The following IGFL4 variants were observed in gnomAD, a reference collection of about 807,000 sequenced individuals.
IGFL4 encodes IGF like family member 4.
Under a neutral mutation model 15.4 loss-of-function variants are expected in IGFL4, and 12 were observed. The ratio of observed to expected loss-of-function variants is 0.78; its 90% CI spans 0.50 to 1.26. The LOEUF is 1.26. IGFL4 is among the 50% of genes most tolerant of loss of function. The pLI is 0.00. For missense variants in IGFL4, 126 were observed against 147.8 expected (o/e 0.85, Z 0.76); for synonymous variants, 54 against 55.9 (o/e 0.97, Z 0.16).
chr19:46,044,232 A>G (rs919956816), upstream of IGFL4, among the ~76,000 whole-genome samples: 10 of 152,196 alleles, frequency 6.6e-5, no homozygotes, highest in African/African-American at 1.7e-4. Flanking sequence ...TGGGTCCAAT[A>G]CACAGAGCTG....
chr19:46,052,968 A>G (rs904482996), intron 2 of IGFL4, among the ~76,000 whole-genome samples: 11 of 32,506 alleles, frequency 3.4e-4, no homozygotes, highest in African/African-American at 9.5e-4. Flanking sequence ...TCAGAAAAGA[A>G]AAAAAAAAAA....
In IGFL4 at chr19:46,040,295, G is replaced by A. The variant is rs768284872; in HGVS notation, c.192C>T (p.Ser64=). The A allele has an allele frequency of 6.2e-7, 1 of 1,614,142 alleles. No homozygotes were observed. Among genetic ancestry groups the A allele is most frequent in the Admixed American group, 1.7e-5 (1 of 60,016 alleles). ...GGAAGCAGGGCCAGAAGGTGCAGCT[G>A]GAGCCGCAGAGCCGGGTCTGGTTCA... ...LDLNQTRLCG[S]SCTFWPCFQH... is the part of the protein sequence containing the mutation. Residue 64 remains serine (S), a synonymous_variant, in exon 3 of 4, where the codon TCC becomes TCT. Coordinates refer to ENST00000377697, the MANE Select transcript of IGFL4 (RefSeq NM_001002923.3). This position sits in a 1 kb window ranked among gnomAD's most constrained non-coding sequence, Gnocchi z 4.1.
intron 1 of IGFL4, among the ~76,000 whole-genome samples, chr19:46,069,279 G>A (rs770108817): frequency 6.6e-6 from 1 of 152,098 alleles, no homozygotes; most frequent in African/African-American, 2.4e-5. Context: ...CATTTGCTCT[G>A]TCTCTTCCTA....
At chr19:46,075,405 G>A (rs1311107461) in intron 1 of IGFL4, among the ~76,000 whole-genome samples, 1 of 152,108 alleles carries the variant, frequency 6.6e-6, no homozygotes, top group East Asian at 1.9e-4. Context: ...GACCTTCACA[G>A]TTATGAGCAG....
chr19:46,048,753 C>CA (rs776045669), intron 2 of IGFL4, among the ~76,000 whole-genome samples: 1 of 151,566 alleles, frequency 6.6e-6, no homozygotes, highest in African/African-American at 2.4e-5. Context: ...AATCACTGCT[C>CA]AAAAAAAATC....
chr19:46,054,270 G>C (rs55816019), intron 2 of IGFL4, among the ~76,000 whole-genome samples: 26,867 of 152,046 alleles, frequency 0.18, 2,588 homozygotes, highest in Middle Eastern at 0.22. Flanking sequence ...ATCATTTTGA[G>C]TTTATTTTTG....
At chr19:46,062,583 A>AGCTCCCAAG (rs1222216731) in intron 1 of IGFL4, among the ~76,000 whole-genome samples, 16 of 152,216 alleles carry the variant, frequency 1.1e-4, no homozygotes, top group African/African-American at 3.6e-4. Context: ...TACAAGGTTA[A>AGCTCCCAAG]GCTCCCAAGG....
chr19:46,060,531 A>T (rs1969435021), intron 1 of IGFL4, among the ~76,000 whole-genome samples: 1 of 152,224 alleles, frequency 6.6e-6, no homozygotes, highest in African/African-American at 2.4e-5. Context: ...CTGATTACAA[A>T]CCACCTTTTG....
intron 1 of IGFL4, among the ~76,000 whole-genome samples, chr19:46,065,970 C>T (rs565285912): frequency 6.6e-6 from 1 of 152,262 alleles, no homozygotes; most frequent in East Asian, 1.9e-4. Context: ...GGCCATGAAG[C>T]AAAGTAAGTG....
chr19:46,064,522 A>G (rs1969476495), intron 1 of IGFL4, among the ~76,000 whole-genome samples: 1 of 152,002 alleles, frequency 6.6e-6, no homozygotes, highest in Admixed American at 6.5e-5. Context: ...CTCTATCTCC[A>G]TGAGTTCAAT....
At chr19:46,051,808 G>A (rs1157360808) in intron 2 of IGFL4, among the ~76,000 whole-genome samples, 1 of 151,946 alleles carries the variant, frequency 6.6e-6, no homozygotes, top group African/African-American at 2.4e-5. Flanking sequence ...CCATGCAAAT[G>A]GACACCAAAA....
In IGFL4 at chr19:46,073,642, C is replaced by T. The variant is rs141210708; in HGVS notation, c.-432+3378G>A. Among the ~76,000 whole-genome samples the T allele has an allele frequency of 6.8e-3, 1,035 of 152,312 alleles. 4 individuals carry two copies. Among genetic ancestry groups the T allele is most frequent in the Middle Eastern group, 0.014 (4 of 294 alleles). On this transcript the variant is annotated intron_variant, in intron 1 of 5. Coordinates refer to the IGFL4 transcript ENST00000601672. ...ACAGTCTCTGCTAACACAAGAGTAA[C>T]AGCACTCTTCCACCCAGTCCATGCT...
At chr19:46,060,849 C>T (rs1284510462) in intron 1 of IGFL4, among the ~76,000 whole-genome samples, 3 of 152,148 alleles carry the variant, frequency 2.0e-5, no homozygotes, top group Non-Finnish European at 4.4e-5. Flanking sequence ...GCCACCTTTG[C>T]ATTAGTGTAC....
At chr19:46,043,765 T>C (rs4803892), upstream of IGFL4, among the ~76,000 whole-genome samples, 38,130 of 152,098 alleles carry the variant, frequency 0.25, 5,747 homozygotes, top group East Asian at 0.53. Flanking sequence ...TACCAAAGCT[T>C]ACACTTCCTA....
chr19:46,074,450 A>C (rs1969576681), intron 1 of IGFL4, among the ~76,000 whole-genome samples: 1 of 151,970 alleles, frequency 6.6e-6, no homozygotes, highest in South Asian at 2.1e-4. Context: ...ATATATACAC[A>C]TATGGGAGTT....
chr19:46,067,176 A>C (rs1969503022), intron 1 of IGFL4, among the ~76,000 whole-genome samples: 1 of 152,188 alleles, frequency 6.6e-6, no homozygotes, highest in African/African-American at 2.4e-5. Context: ...ACAGAAGCCA[A>C]ACCTTTAGTA....
chr19:46,069,586 C>T (rs1048404705), intron 1 of IGFL4, among the ~76,000 whole-genome samples: 9 of 152,154 alleles, frequency 5.9e-5, no homozygotes, highest in Non-Finnish European at 1.2e-4. Context: ...CATACATCCC[C>T]CCCTTGAAGC....
intron 1 of IGFL4, among the ~76,000 whole-genome samples, chr19:46,066,578 G>T (rs1969497054): frequency 6.6e-6 from 1 of 152,212 alleles, no homozygotes; most frequent in Non-Finnish European, 1.5e-5. Flanking sequence ...TAGGAAGCAT[G>T]GTGCTGGCAT....
At chr19:46,055,621 T>A (rs1969385863) in intron 2 of IGFL4, among the ~76,000 whole-genome samples, 1 of 152,242 alleles carries the variant, frequency 6.6e-6, no homozygotes, top group South Asian at 2.1e-4. Context: ...ATTAATTGCA[T>A]CCTTCAGTTC....
Sources: allele counts gnomAD v4.1 joint callset (sites outside exome capture counted in the v4.1 genomes callset), GRCh38; gene constraint gnomAD v4.1.1; non-coding constraint Gnocchi (gnomAD v3.1); transcripts MANE v1.5; gene names NCBI Gene and HGNC (gene_info 2026-07-23, HGNC 2026-07-21).